The following FGF12 variants were observed in gnomAD, a reference collection of about 807,000 sequenced individuals.
FGF12 encodes fibroblast growth factor 12, also known as fibroblast growth factor 12B.
In FGF12, 14 loss-of-function variants were observed where a neutral mutation model predicts 23.6. The ratio of observed to expected loss-of-function variants is 0.59; its 90% CI spans 0.39 to 0.93. FGF12 has a LOEUF of 0.93. Among genes scored for constraint, FGF12 ranks in the 40% least tolerant of loss-of-function variants. FGF12 has a pLI of 0.00. For missense variants in FGF12, 175 were observed against 217.8 expected (o/e 0.80, Z 1.24); for synonymous variants, 62 against 77.3 (o/e 0.80, Z 1.04).
intron 2 of FGF12, among the ~76,000 whole-genome samples, chr3:192,361,214 A>G (rs1363547642): frequency 2.0e-5 from 3 of 150,922 alleles, no homozygotes; most frequent in Non-Finnish European, 4.4e-5. Context: ...ATATTTATCT[A>G]AGTATTTCAA....
At chr3:192,676,982 C>T (rs1295448342) in intron 2 of FGF12, among the ~76,000 whole-genome samples, 4 of 152,186 alleles carry the variant, frequency 2.6e-5, no homozygotes, top group Non-Finnish European at 2.9e-5. Flanking sequence ...CCCTAGAAAA[C>T]GAATTCGGTG....
Position 192,260,934 on chromosome 3 carries a change from T to C in FGF12, c.228+74427A>G, listed in dbSNP as rs551362249. On this transcript the variant is annotated intron_variant, in intron 4 of 5. Coordinates refer to ENST00000445105, the MANE Select transcript of FGF12 (RefSeq NM_004113.6). ...TGAGATAGGGCACAACCCCCAGAAG[T>C]TGTGAGAACCAAGGATGTATAGGGT... Among the ~76,000 whole-genome samples, 8 of 152,130 alleles carry C rather than the reference T, an allele frequency of 5.3e-5. No homozygotes were observed. In the South Asian group the frequency reaches 1.5e-3, roughly 28 times the overall value.
chr3:192,339,055 T>C (rs1358424960), intron 3 of FGF12, among the ~76,000 whole-genome samples: 2 of 152,174 alleles, frequency 1.3e-5, no homozygotes, highest in African/African-American at 4.8e-5. Context: ...GAAACCTGTT[T>C]GAAAGTTTTA....
chr3:192,158,656 C>T (rs1714681575), intron 5 of FGF12, among the ~76,000 whole-genome samples: 1 of 27,294 alleles, frequency 3.7e-5, no homozygotes. Flanking sequence ...TCCCTCCCTC[C>T]CTTCCTTCCC....
At chr3:192,545,427 A>G (rs1438043285) in intron 2 of FGF12, among the ~76,000 whole-genome samples, 1 of 152,200 alleles carries the variant, frequency 6.6e-6, no homozygotes, top group Non-Finnish European at 1.5e-5. Context: ...CGACCTCTGA[A>G]AAAGCTTTCC....
At chr3:192,162,502 G>GA (rs1427750636) in intron 5 of FGF12, among the ~76,000 whole-genome samples, 2 of 152,030 alleles carry the variant, frequency 1.3e-5, no homozygotes, top group African/African-American at 2.4e-5. Context: ...TCAGAAACCA[G>GA]AAAAAACTGG....
intron 2 of FGF12, among the ~76,000 whole-genome samples, chr3:192,399,582 T>A (rs558184687): frequency 1.3e-5 from 2 of 152,302 alleles, no homozygotes; most frequent in South Asian, 4.1e-4. Context: ...ATTAACAAAA[T>A]CATTAATTTT....
intron 4 of FGF12, among the ~76,000 whole-genome samples, chr3:192,186,448 T>A (rs553904188): frequency 6.6e-6 from 1 of 152,360 alleles, no homozygotes; most frequent in African/African-American, 2.4e-5. Context: ...TATGTGGTTG[T>A]GCACATAGTA....
At chr3:192,202,152 GA>G (rs1261264342) in intron 4 of FGF12, among the ~76,000 whole-genome samples, 4 of 150,824 alleles carry the variant, frequency 2.7e-5, no homozygotes, top group Non-Finnish European at 5.9e-5. Context: ...ATGGGACCCT[GA>G]AAAAAAAAGT....
chr3:192,446,452 C>T (rs979258932), intron 2 of FGF12, among the ~76,000 whole-genome samples: 2 of 152,140 alleles, frequency 1.3e-5, no homozygotes, highest in Non-Finnish European at 2.9e-5. Flanking sequence ...AGCAAATGCT[C>T]GTTGAGCACC....
chr3:192,144,238 T>C (rs1713567830), intron 5 of FGF12, 111 bp from the exon 6 acceptor site: 1 of 636,178 alleles, frequency 1.6e-6, no homozygotes, highest in Non-Finnish European at 2.8e-6. Flanking sequence ...AAGCTCTTCT[T>C]CTCATTATAA....
rs960200535 is a variant in FGF12 at position 192,360,529 on chromosome 3, A to G, written c.23T>C (p.Leu8Pro). 6.2e-7 allele frequency: 1 copy of G among 1,612,934 alleles called. No homozygotes were observed. Among genetic ancestry groups the G allele is most frequent in the Non-Finnish European group, 8.5e-7 (1 of 1,178,976 alleles). Residue 8 changes from leucine to proline, a missense_variant, in exon 3 of 6, where the codon CTC (leucine) becomes CCC (proline). Leu to Pro is a moderately conservative substitution (Grantham distance 98). Transcript: ENST00000445105. The surrounding 1 kb of genome is among the most constrained non-coding windows in gnomAD (Gnocchi z 4.3). The part of the protein sequence containing the change: MESKEPQ[L>P]KGIVTRLFSQ... ...GAATAACCTTGTCACAATCCCTTTGAGCTGGGGTTCTGCAAAACAAAATAA... is the reference window on the plus strand; with the variant it reads ...GAATAACCTTGTCACAATCCCTTTGGGCTGGGGTTCTGCAAAACAAAATAA...
intron 4 of FGF12, among the ~76,000 whole-genome samples, chr3:192,202,323 T>A (rs1678672171): frequency 6.6e-6 from 1 of 152,188 alleles, no homozygotes; most frequent in African/African-American, 2.4e-5. Flanking sequence ...AGAGTTTTGA[T>A]GTCAGGCTTT....
At chr3:192,163,155 T>C (rs1290379508) in intron 5 of FGF12, among the ~76,000 whole-genome samples, 1 of 152,170 alleles carries the variant, frequency 6.6e-6, no homozygotes, top group Non-Finnish European at 1.5e-5. Flanking sequence ...GGAGTAGCCA[T>C]TCTTCTGTTT....
chr3:192,335,390 T>C lies in FGF12; in HGVS notation c.199A>G (p.Met67Val). Residue 67 changes from methionine (M) to valine (V), a missense_variant, in exon 4 of 6, where the codon ATG becomes GTG. Coordinates refer to ENST00000445105, the MANE Select transcript of FGF12 (RefSeq NM_004113.6). ...QGVKASLYVAMNGEGYLYSSD... is the reference protein window; with the variant it reads ...QGVKASLYVAVNGEGYLYSSD... The stretch of plus-strand genomic sequence containing the variant: ...CTGTAGAGATAGCCTTCACCATTCA[T>C]GGCCACATAGAGGCTAGCCTTCACT... The C allele has an allele frequency of 6.2e-7, 1 of 1,613,074 alleles. No individual in the cohort carries two copies. Among genetic ancestry groups the C allele is most frequent in the Non-Finnish European group, 8.5e-7 (1 of 1,179,268 alleles).
At chr3:192,145,014 T>C (rs1337944663) in intron 5 of FGF12, among the ~76,000 whole-genome samples, 1 of 152,224 alleles carries the variant, frequency 6.6e-6, no homozygotes, top group African/African-American at 2.4e-5. Flanking sequence ...TATCTCCACC[T>C]ATTAAACCAT....
At chr3:192,216,833 G>T (rs1718216197) in intron 4 of FGF12, among the ~76,000 whole-genome samples, 1 of 152,158 alleles carries the variant, frequency 6.6e-6, no homozygotes, top group African/African-American at 2.4e-5. Context: ...GCAAACACGG[G>T]CTTAAACTCT....
At chr3:192,222,012 G>T (rs532889387) in intron 4 of FGF12, among the ~76,000 whole-genome samples, 115 of 152,276 alleles carry the variant, frequency 7.6e-4, no homozygotes, top group African/African-American at 2.7e-3. Flanking sequence ...GAAAGGTGTG[G>T]TATGAAGAGG....
chr3:192,174,359 TCTTG>T (rs1475305728), intron 4 of FGF12, among the ~76,000 whole-genome samples: 1 of 152,176 alleles, frequency 6.6e-6, no homozygotes, highest in Admixed American at 6.5e-5. Context: ...ATGGGGGATT[TCTTG>T]CACAGCATCC....
Sources: allele counts gnomAD v4.1 joint callset (sites outside exome capture counted in the v4.1 genomes callset), GRCh38; gene constraint gnomAD v4.1.1; non-coding constraint Gnocchi (gnomAD v3.1); transcripts MANE v1.5; gene names NCBI Gene and HGNC (gene_info 2026-07-23, HGNC 2026-07-21).